TTC28: variants seen among roughly 807,000 people sequenced by gnomAD.
TTC28 encodes tetratricopeptide repeat protein 28.
TTC28 carries 61 observed loss-of-function variants against 198.0 expected under a neutral mutation model. That is an observed-to-expected ratio of 0.31 (90% CI 0.25 to 0.38). The LOEUF (loss-of-function observed/expected upper bound fraction) is 0.38. Among genes scored for constraint, TTC28 ranks in the 10% least tolerant of loss-of-function variants. The pLI, the probability that TTC28 is intolerant of heterozygous loss-of-function variation, is 1.00. For synonymous variants in TTC28, 1,171 were observed against 1,297.8 expected (o/e 0.90, Z 2.10); for missense variants, 2,678 against 3,164.0 (o/e 0.85, Z 3.69).
chr22:27,998,610 G>A lies in TTC28; in HGVS notation c.5049C>T (p.Ser1683=), dbSNP rs1055808423. The A allele has an allele frequency of 1.4e-5, 21 of 1,550,646 alleles. No homozygotes were observed. The highest frequency in any genetic ancestry group is 7.8e-5 in the Admixed American group (4 of 50,980). ...CCTTCATGGCCTCCCCCAGGGCGGC[G>A]CTGGCTTTCAGGCCGTTCAGCAGGG... ...YSSLLNGLKA[S]AALGEAMKVV... The change falls in exon 16 of 23, where the codon AGC becomes AGT. Residue 1683 remains serine, a synonymous_variant. Transcript: ENST00000397906.
chr22:28,492,996 G>A (rs1306574763), intron 2 of TTC28, among the ~76,000 whole-genome samples: 1 of 145,922 alleles, frequency 6.9e-6, no homozygotes, highest in Non-Finnish European at 1.5e-5. Flanking sequence ...GCACTGAAAA[G>A]GACAACAGAT....
In TTC28 at chr22:28,033,202, G is replaced by T. The variant is rs561376439; in HGVS notation, c.3933-2836C>A. Among the ~76,000 whole-genome samples, 4 of 152,202 alleles carry T rather than the reference G, an allele frequency of 2.6e-5. No homozygotes were observed. In the East Asian group the frequency reaches 7.7e-4, roughly 29 times the overall value. ...GCCCTCAGTATCTCCTGCTTAATGG[G>T]GTTGTTTCCTATTTCCTGACCCTTC... On this transcript the variant is annotated intron_variant, in intron 12 of 22. Transcript: ENST00000397906.
chr22:28,491,226 A>T (rs1196832369), intron 2 of TTC28, among the ~76,000 whole-genome samples: 1 of 152,238 alleles, frequency 6.6e-6, no homozygotes, highest in Non-Finnish European at 1.5e-5. Context: ...AAAACACCAA[A>T]AGCAATGGCA....
chr22:28,003,633 A>G (rs1374844152), intron 14 of TTC28, among the ~76,000 whole-genome samples: 3 of 152,208 alleles, frequency 2.0e-5, no homozygotes, highest in African/African-American at 7.2e-5. Context: ...TCATGACAGC[A>G]CCTAACTGTG....
At chr22:28,331,184 G>T (rs1369850871) in intron 2 of TTC28, among the ~76,000 whole-genome samples, 2 of 152,072 alleles carry the variant, frequency 1.3e-5, no homozygotes, top group Non-Finnish European at 2.9e-5. Context: ...TAAAGGTAAG[G>T]CTCCTGAAGC....
intron 2 of TTC28, among the ~76,000 whole-genome samples, chr22:28,613,647 A>T (rs2050855916): frequency 6.6e-6 from 1 of 152,218 alleles, no homozygotes; most frequent in African/African-American, 2.4e-5. Flanking sequence ...GGTTCAACAT[A>T]CGCAAATAAA....
chr22:28,432,584 A>C (rs1297801736), intron 2 of TTC28, among the ~76,000 whole-genome samples: 1 of 152,198 alleles, frequency 6.6e-6, no homozygotes, highest in Non-Finnish European at 1.5e-5. Context: ...AATACTATGA[A>C]TAGGACAGCA....
intron 2 of TTC28, among the ~76,000 whole-genome samples, chr22:28,564,376 T>C (rs1177469804): frequency 6.6e-6 from 1 of 152,212 alleles, no homozygotes; most frequent in East Asian, 1.9e-4. Flanking sequence ...TACAAGATCT[T>C]ACAAGATACC....
At chr22:28,143,866 A>C (rs1943399732) in intron 6 of TTC28, among the ~76,000 whole-genome samples, 1 of 152,234 alleles carries the variant, frequency 6.6e-6, no homozygotes, top group African/African-American at 2.4e-5. Flanking sequence ...AGCGAATCTT[A>C]CAGCACAAAA....
intron 2 of TTC28, among the ~76,000 whole-genome samples, chr22:28,537,069 G>T (rs746336672): frequency 3.3e-5 from 5 of 151,662 alleles, no homozygotes; most frequent in Non-Finnish European, 7.4e-5. Context: ...CGAGGCAGGC[G>T]GATCACGAGG....
intron 2 of TTC28, among the ~76,000 whole-genome samples, chr22:28,399,954 C>CA (rs2046878337): frequency 6.6e-6 from 1 of 152,102 alleles, no homozygotes; most frequent in South Asian, 2.1e-4. Context: ...TACAGATGAG[C>CA]AAAAAATCTT....
chr22:28,433,300 T>G (rs1483301399), intron 2 of TTC28, among the ~76,000 whole-genome samples: 1 of 152,170 alleles, frequency 6.6e-6, no homozygotes, highest in East Asian at 1.9e-4. Flanking sequence ...ACTTTTCTTA[T>G]AAACAAACCA....
At chr22:28,019,097 G>A (rs1241017006) in intron 13 of TTC28, among the ~76,000 whole-genome samples, 1 of 152,182 alleles carries the variant, frequency 6.6e-6, no homozygotes, top group Non-Finnish European at 1.5e-5. Context: ...CCTTAGCCCT[G>A]AGCCTTACTG....
At chr22:28,224,474 C>T (rs1928134202) in intron 5 of TTC28, among the ~76,000 whole-genome samples, 1 of 152,052 alleles carries the variant, frequency 6.6e-6, no homozygotes, top group African/African-American at 2.4e-5. Context: ...TTGATGGACC[C>T]CAGAACCCAA....
intron 12 of TTC28, among the ~76,000 whole-genome samples, chr22:28,088,901 A>G (rs961514560): frequency 6.6e-6 from 1 of 152,262 alleles, no homozygotes; most frequent in Non-Finnish European, 1.5e-5. Flanking sequence ...CAGCCAAAAC[A>G]CACGTGAAAA....
At chr22:28,517,285 G>C (rs2048808361) in intron 2 of TTC28, among the ~76,000 whole-genome samples, 1 of 152,130 alleles carries the variant, frequency 6.6e-6, no homozygotes, top group Admixed American at 6.5e-5. Flanking sequence ...TAAAGCTAGA[G>C]ATAAAATTGT....
intron 5 of TTC28, among the ~76,000 whole-genome samples, chr22:28,281,144 G>C (rs1037909771): frequency 2.6e-5 from 4 of 152,156 alleles, no homozygotes; most frequent in African/African-American, 9.6e-5. Context: ...TACTAAATTT[G>C]GGGAAAATTT....
intron 13 of TTC28, among the ~76,000 whole-genome samples, chr22:28,016,492 G>A (rs1238646838): frequency 1.3e-5 from 2 of 152,220 alleles, no homozygotes; most frequent in African/African-American, 4.8e-5. Flanking sequence ...AGCAGCAGGA[G>A]CACTAGGTGC....
intron 5 of TTC28, among the ~76,000 whole-genome samples, chr22:28,196,145 C>T (rs956380827): frequency 4.6e-5 from 7 of 151,910 alleles, no homozygotes; most frequent in Non-Finnish European, 7.4e-5. Flanking sequence ...TATCTACAAC[C>T]ATCTGATCTT....
Sources: gnomAD v4.1 joint callset for allele counts (sites outside exome capture counted in the v4.1 genomes callset) on GRCh38, gnomAD v4.1.1 for gene constraint, MANE v1.5 for transcripts, NCBI Gene and HGNC (gene_info 2026-07-23, HGNC 2026-07-21) for gene names.